Variants in ZNF490 observed in about 807,000 individuals in gnomAD.
The protein encoded by ZNF490 is zinc finger protein 490.
In ZNF490, 11 loss-of-function variants were observed where a neutral mutation model predicts 17.7. The observed-to-expected ratio is 0.62, with a 90% confidence interval of 0.39 to 1.03. The LOEUF (loss-of-function observed/expected upper bound fraction) is 1.03. ZNF490 is among the 50% of genes least tolerant of loss of function. The pLI is 0.00. For missense variants in ZNF490, 542 were observed against 643.4 expected, an observed-to-expected ratio of 0.84 and a Z score of 1.71; for synonymous variants, 222 against 216.1, an observed-to-expected ratio of 1.03 and a Z score of -0.24.
intron 2 of ZNF490, among the ~76,000 whole-genome samples, chr19:12,593,109 T>C (rs1304942185): frequency 6.6e-6 from 1 of 152,208 alleles, no homozygotes; most frequent in Non-Finnish European, 1.5e-5. Flanking sequence ...TTAGTATCAG[T>C]AGTGTCCGGA....
At chr19:12,602,855 G>A (rs1390030982) in intron 2 of ZNF490, among the ~76,000 whole-genome samples, 5 of 151,758 alleles carry the variant, frequency 3.3e-5, no homozygotes, top group Non-Finnish European at 5.9e-5. Context: ...CAAACTCCTG[G>A]GCTCATGCAA....
Position 12,580,320 on chromosome 19 carries a change from T to C in ZNF490, c.*165A>G. The stretch of plus-strand genomic sequence containing the variant: ...AGGAGAGTGCAAGTTCCTCCCCCAT[T>C]TGTTAAATATTTCATTGCCGCATGA... On this transcript the variant is annotated 3_prime_UTR_variant, in exon 5 of 5. Coordinates refer to ENST00000311437, the MANE Select transcript of ZNF490 (RefSeq NM_020714.3). The C allele has an allele frequency of 7.0e-7, 1 of 1,427,618 alleles. No individual in the cohort carries two copies. Among genetic ancestry groups the C allele is most frequent in the Non-Finnish European group, 9.1e-7 (1 of 1,095,494 alleles). The allele number at this position is 1,427,618 out of a possible 1,614,324, so 88.4% of individuals were successfully genotyped here.
chr19:12,604,371 G>A (rs929840614), intron 2 of ZNF490, among the ~76,000 whole-genome samples: 3 of 152,022 alleles, frequency 2.0e-5, no homozygotes, highest in Admixed American at 6.6e-5. Context: ...CAAAAATTAG[G>A]CCAGGTGCAG....
chr19:12,610,697 A>T lies in ZNF490; in HGVS notation c.-17T>A, dbSNP rs760072381. 1 of 1,610,656 alleles carries T rather than the reference A, an allele frequency of 6.2e-7. No individual in the cohort carries two copies. The highest frequency in any genetic ancestry group is 1.7e-5 in the Admixed American group (1 of 59,990). On this transcript the variant is annotated 5_prime_UTR_variant, in exon 1 of 5. Transcript: ENST00000311437. Reference sequence around the variant, plus strand: ...CCTGCGCATCCCTGTCCCCGCATCCAGAAACACTGCAGGAAGACTTCCGTG... The same window carrying T: ...CCTGCGCATCCCTGTCCCCGCATCCTGAAACACTGCAGGAAGACTTCCGTG...
At chr19:12,609,859 T>C (rs931098307) in intron 1 of ZNF490, 3 of 434,516 alleles carry the variant, frequency 6.9e-6, no homozygotes, top group African/African-American at 4.1e-5. Flanking sequence ...GGATGAGGGA[T>C]GAAATATTAC....
At chr19:12,606,925 G>C (rs2023074805) in intron 2 of ZNF490, among the ~76,000 whole-genome samples, 1 of 152,108 alleles carries the variant, frequency 6.6e-6, no homozygotes, top group Admixed American at 6.6e-5. Flanking sequence ...TGACTAATGT[G>C]ATTTCATAAT....
chr19:12,601,336 C>T (rs751203869), intron 2 of ZNF490, among the ~76,000 whole-genome samples: 8 of 151,262 alleles, frequency 5.3e-5, no homozygotes, highest in Non-Finnish European at 1.2e-4. Flanking sequence ...TGCAATGAGC[C>T]GATATTGCGC....
chr19:12,581,144 A>G lies in ZNF490; in HGVS notation c.931T>C (p.Cys311Arg). The change falls in exon 5 of 5, where the codon TGT becomes CGT. Residue 311 changes from cysteine (C) to arginine (R), a missense_variant. By Grantham distance (180) the Cys-to-Arg change is radical. Transcript: ENST00000311437. The part of the protein sequence containing the change: ...TGEKPYECKQ[C>R]GKAFSCPTYL... ...GTGGGACAACTGAAGGCTTTCCCAC[A>G]TTGCTTACATTCATAAGGTTTCTCT... The G allele has an allele frequency of 1.9e-6, 3 of 1,614,174 alleles. No homozygotes were observed. The highest frequency in any genetic ancestry group is 2.5e-6 in the Non-Finnish European group (3 of 1,180,020).
intron 2 of ZNF490, chr19:12,597,282 A>G (rs2022946312): frequency 4.6e-6 from 2 of 439,416 alleles, no homozygotes; most frequent in Non-Finnish European, 9.3e-6. Context: ...AACCGCTAGA[A>G]TAAGGATGTT....
rs2022789097 is a variant in ZNF490, at chr19:12,584,332, AT to A, written c.163-777del. 2.3e-5 allele frequency among the ~76,000 whole-genome samples: 2 copies of A among 86,274 alleles called. 1 individual carries two copies. Among genetic ancestry groups the A allele is most frequent in the Non-Finnish European group, 6.1e-5 (2 of 32,752 alleles). 56.6% of individuals were successfully genotyped at this position (86,274 alleles called of 152,430 possible). A position where few individuals can be genotyped will look rare whatever the true frequency, so the allele number is the denominator to read the frequency against. On this transcript the variant is annotated intron_variant, in intron 2 of 4. Transcript: ENST00000311437. ...CCACCACGCCCAGCTAATTTTTTGT[AT>A]TTTTAGTAGAGACGGGGTTTCACCA...
chr19:12,577,018 G>C lies in ZNF490; in HGVS notation c.*3467C>G, dbSNP rs1449483540. ...TCTCCCAAATAGAAGGACCCCAGGT[G>C]TTCTGATCTCTTCTCCAGGTTTCTC... On this transcript the variant is annotated 3_prime_UTR_variant, in exon 5 of 5. Transcript: ENST00000311437. Among the ~76,000 whole-genome samples the C allele has an allele frequency of 6.6e-6, 1 of 152,032 alleles. No homozygotes were observed. Among genetic ancestry groups the C allele is most frequent in the Non-Finnish European group, 1.5e-5 (1 of 68,012 alleles).
Position 12,601,332 on chromosome 19 carries a change from G to A in ZNF490, c.162+7826C>T, listed in dbSNP as rs187445896. ...GAACCCGGGAGGCGAAGGTTGCAAT[G>A]AGCCGATATTGCGCCATTGCACTCT... On this transcript the variant is annotated intron_variant, in intron 2 of 4. Coordinates refer to ENST00000311437, the MANE Select transcript of ZNF490 (RefSeq NM_020714.3). Among the ~76,000 whole-genome samples, 220 of 151,720 alleles carry A rather than the reference G, an allele frequency of 1.5e-3. 1 individual carries two copies. Among genetic ancestry groups the A allele is most frequent in the African/African-American group, 4.8e-3 (197 of 41,372 alleles).
chr19:12,607,356 A>T (rs1463912741), intron 2 of ZNF490, among the ~76,000 whole-genome samples: 1 of 151,748 alleles, frequency 6.6e-6, no homozygotes, highest in Non-Finnish European at 1.5e-5. Flanking sequence ...ACACCTGGCT[A>T]AAAAAAGAAT....
chr19:12,590,934 AT>A (rs1555700629), intron 2 of ZNF490, among the ~76,000 whole-genome samples: 1 of 151,312 alleles, frequency 6.6e-6, no homozygotes, highest in South Asian at 2.1e-4. Context: ...AAAAAAAAAA[AT>A]TTTTTTTAAA....
At chr19:12,609,264 T>C (rs1252247557) in intron 1 of ZNF490, 62 bp from the exon 2 acceptor site, 2 of 1,448,546 alleles carry the variant, frequency 1.4e-6, no homozygotes, top group East Asian at 2.3e-5. Context: ...AACATGACCT[T>C]TGACAGCCTT....
chr19:12,589,692 T>C (rs1274048541), intron 2 of ZNF490, among the ~76,000 whole-genome samples: 1 of 151,676 alleles, frequency 6.6e-6, no homozygotes, highest in Non-Finnish European at 1.5e-5. Flanking sequence ...TCTTCTTGCC[T>C]TGGCCCCGCA....
At chr19:12,592,469 A>G (rs1599309073) in intron 2 of ZNF490, among the ~76,000 whole-genome samples, 2 of 152,158 alleles carry the variant, frequency 1.3e-5, no homozygotes, top group Non-Finnish European at 2.9e-5. Flanking sequence ...GCCAATCTAA[A>G]TGGTTATATA....
intron 2 of ZNF490, among the ~76,000 whole-genome samples, chr19:12,591,154 C>T (rs192411236): frequency 1.8e-4 from 27 of 150,402 alleles, no homozygotes; most frequent in Non-Finnish European, 3.3e-4. Context: ...TTTGGGAGGC[C>T]GAGGTGGGCG....
chr19:12,578,169 C>T lies in ZNF490; in HGVS notation c.*2316G>A. 1 of 985,472 alleles carries T rather than the reference C, an allele frequency of 1.0e-6. No individual in the cohort carries two copies. 61.0% of individuals were successfully genotyped at this position (985,472 alleles called of 1,614,324 possible). On this transcript the variant is annotated 3_prime_UTR_variant, in exon 5 of 5. Coordinates refer to ENST00000311437, the MANE Select transcript of ZNF490 (RefSeq NM_020714.3). The stretch of plus-strand genomic sequence containing the variant: ...CCTGGAGCAGGATGCATGTGACATG[C>T]ACTGACGTGAGAAGGCCGGAGCATC...
Sources: gnomAD v4.1 joint callset for allele counts (sites outside exome capture counted in the v4.1 genomes callset) on GRCh38, gnomAD v4.1.1 for gene constraint, MANE v1.5 for transcripts, NCBI Gene and HGNC (gene_info 2026-07-23, HGNC 2026-07-21) for gene names.